The following AGBL4 variants were observed in gnomAD, a reference collection of about 807,000 sequenced individuals.
The protein encoded by AGBL4 is cytosolic carboxypeptidase 6.
AGBL4 carries 58 observed loss-of-function variants against 66.4 expected under a neutral mutation model. The ratio of observed to expected loss-of-function variants is 0.87; its 90% CI spans 0.71 to 1.09. The LOEUF (loss-of-function observed/expected upper bound fraction) is 1.09, where lower values mean the gene tolerates loss of function less well. Among genes scored for constraint, AGBL4 ranks in the 50% least tolerant of loss-of-function variants. AGBL4 has a pLI of 0.00. For missense variants in AGBL4, 579 were observed against 631.0 expected (o/e 0.92, Z 0.88); for synonymous variants, 234 against 222.9 (o/e 1.05, Z -0.44).
chr1:49,946,857 G>A (rs1227383226), intron 1 of AGBL4, among the ~76,000 whole-genome samples: 5 of 151,756 alleles, frequency 3.3e-5, no homozygotes, highest in African/African-American at 1.2e-4. Flanking sequence ...AGCTCAATTA[G>A]AAACAAAACA....
chr1:49,961,636 G>A (rs1450936839), intron 1 of AGBL4, among the ~76,000 whole-genome samples: 2 of 152,052 alleles, frequency 1.3e-5, no homozygotes, highest in Non-Finnish European at 2.9e-5. Flanking sequence ...AATAAAAGAT[G>A]CTTTGAATAG....
intron 5 of AGBL4, among the ~76,000 whole-genome samples, chr1:48,981,660 G>T (rs1043086913): frequency 1.3e-5 from 2 of 152,156 alleles, no homozygotes; most frequent in African/African-American, 2.4e-5. Context: ...CGAGGCAGGT[G>T]GATCACCTGA....
At chr1:49,183,637 C>G (rs922278457) in intron 4 of AGBL4, among the ~76,000 whole-genome samples, 2 of 152,154 alleles carry the variant, frequency 1.3e-5, no homozygotes, top group Admixed American at 1.3e-4. Context: ...TACCTCCACC[C>G]ACACAATAGA....
chr1:48,745,316 G>A (rs1053132893), intron 6 of AGBL4, among the ~76,000 whole-genome samples: 5 of 152,276 alleles, frequency 3.3e-5, no homozygotes, highest in Admixed American at 2.6e-4. Context: ...CTTGGAGTCC[G>A]AGAAGTAGAA....
At chr1:49,144,213 G>T (rs984278814) in intron 4 of AGBL4, among the ~76,000 whole-genome samples, 1 of 152,124 alleles carries the variant, frequency 6.6e-6, no homozygotes, top group Non-Finnish European at 1.5e-5. Flanking sequence ...CCAATGTGTT[G>T]CTGGCTGATG....
intron 2 of AGBL4, among the ~76,000 whole-genome samples, chr1:49,767,763 A>G (rs1643928643): frequency 6.6e-6 from 1 of 152,070 alleles, no homozygotes; most frequent in Non-Finnish European, 1.5e-5. Context: ...CAAAGGTGAC[A>G]TTACAACTGA....
At chr1:49,963,974 G>A (rs926031057) in intron 1 of AGBL4, among the ~76,000 whole-genome samples, 4 of 152,010 alleles carry the variant, frequency 2.6e-5, no homozygotes, top group African/African-American at 9.7e-5. Flanking sequence ...CTGGAAATAG[G>A]TTTTCTGTTT....
intron 3 of AGBL4, among the ~76,000 whole-genome samples, chr1:49,290,264 G>C (rs1317654432): frequency 6.6e-6 from 1 of 152,200 alleles, no homozygotes; most frequent in African/African-American, 2.4e-5. Context: ...TCTGAGATCA[G>C]CTAGGGTTGG....
chr1:48,720,861 T>A (rs567283752), intron 6 of AGBL4, among the ~76,000 whole-genome samples: 2 of 151,958 alleles, frequency 1.3e-5, no homozygotes, highest in East Asian at 1.9e-4. Flanking sequence ...TGGAAGAAGA[T>A]TTGGAAAACT....
At chr1:48,639,797 T>C (rs1242979896) in intron 8 of AGBL4, among the ~76,000 whole-genome samples, 1 of 152,190 alleles carries the variant, frequency 6.6e-6, no homozygotes, top group African/African-American at 2.4e-5. Flanking sequence ...GAAGCAAGAA[T>C]GGTCAGCAAT....
intron 5 of AGBL4, among the ~76,000 whole-genome samples, chr1:48,994,073 C>T (rs1261778603): frequency 6.6e-6 from 1 of 152,072 alleles, no homozygotes; most frequent in Non-Finnish European, 1.5e-5. Context: ...TCTTGAGCTT[C>T]CTCCCTCTAA....
At chr1:49,386,293 G>A (rs1311414841) in intron 3 of AGBL4, among the ~76,000 whole-genome samples, 2 of 145,746 alleles carry the variant, frequency 1.4e-5, no homozygotes, top group South Asian at 2.2e-4. Flanking sequence ...GTGTGTGTGT[G>A]TATCTCCAAC....
At chr1:49,726,267 AT>A (rs1006411444) in intron 2 of AGBL4, among the ~76,000 whole-genome samples, 1 of 152,178 alleles carries the variant, frequency 6.6e-6, no homozygotes, top group African/African-American at 2.4e-5. Flanking sequence ...TAAAAGTGGC[AT>A]TTTTAAGGTG....
chr1:48,591,098 C>CCCA lies in AGBL4; in HGVS notation c.952-114_952-113insTGG, dbSNP rs1553192308. 550 of 662,642 alleles carry CCCA rather than the reference C, an allele frequency of 8.3e-4. 4 individuals are homozygous for CCCA. Among genetic ancestry groups the CCCA allele is most frequent in the Non-Finnish European group, 9.8e-4 (421 of 428,002 alleles). The allele number at this position is 662,642 out of a possible 1,614,324, so 41.0% of individuals were successfully genotyped here. On this transcript the variant is annotated intron_variant, in intron 9 of 13. Transcript: ENST00000371839. ...CCCACACACACCCACCCACCCCCCC[C>CCCA]CACACACACACACACATCAAGCTGA...
chr1:49,272,310 G>C (rs1404958197), intron 3 of AGBL4, among the ~76,000 whole-genome samples: 1 of 151,906 alleles, frequency 6.6e-6, no homozygotes, highest in Non-Finnish European at 1.5e-5. Flanking sequence ...AAATTATTAG[G>C]CTCTAAACAT....
At chr1:48,822,886 A>G (rs939999662) in intron 6 of AGBL4, among the ~76,000 whole-genome samples, 13 of 152,170 alleles carry the variant, frequency 8.5e-5, no homozygotes, top group South Asian at 2.1e-4. Context: ...ATTAACACAG[A>G]CTTTGATCAC....
intron 6 of AGBL4, among the ~76,000 whole-genome samples, chr1:48,760,293 G>T (rs1227001737): frequency 1.3e-5 from 2 of 152,218 alleles, no homozygotes; most frequent in African/African-American, 4.8e-5. Context: ...CTCAGGGCAG[G>T]AGGGTTAGGA....
intron 3 of AGBL4, among the ~76,000 whole-genome samples, chr1:49,574,754 T>C (rs1216692716): frequency 6.6e-6 from 1 of 152,040 alleles, no homozygotes; most frequent in African/African-American, 2.4e-5. Context: ...GCTACCGTCA[T>C]GGACAGCAGA....
intron 5 of AGBL4, among the ~76,000 whole-genome samples, chr1:49,028,679 G>A (rs1301496246): frequency 6.6e-6 from 1 of 152,126 alleles, no homozygotes; most frequent in Admixed American, 6.5e-5. Context: ...TATTCAAAGT[G>A]CTGAAAGAAC....
Sources: allele counts gnomAD v4.1 joint callset (sites outside exome capture counted in the v4.1 genomes callset), GRCh38; gene constraint gnomAD v4.1.1; transcripts MANE v1.5; gene names NCBI Gene and HGNC (gene_info 2026-07-23, HGNC 2026-07-21).